The following PEAK1 variants were observed in gnomAD, a reference collection of about 807,000 sequenced individuals.
PEAK1 encodes inactive tyrosine-protein kinase PEAK1.
In PEAK1, 54 loss-of-function variants were observed where a neutral mutation model predicts 124.7. The observed-to-expected ratio is 0.43, with a 90% CI of 0.35 to 0.54. The LOEUF (loss-of-function observed/expected upper bound fraction) is 0.54. PEAK1 is among the 20% of genes least tolerant of loss of function. PEAK1 has a pLI of 0.01. For missense variants in PEAK1, 2,046 were observed against 2,134.5 expected (o/e 0.96, Z 0.82); for synonymous variants, 719 against 760.0 (o/e 0.95, Z 0.89).
intron 7 of PEAK1, among the ~76,000 whole-genome samples, chr15:77,160,194 A>C (rs1173437878): frequency 3.3e-5 from 5 of 152,090 alleles, no homozygotes; most frequent in Admixed American, 2.0e-4. Context: ...AACATGGGGG[A>C]TCTATCTCCA....
intron 9 of PEAK1, among the ~76,000 whole-genome samples, chr15:77,117,555 CTTTAT>C (rs916323815): frequency 7.2e-5 from 11 of 152,164 alleles, no homozygotes; most frequent in African/African-American, 2.2e-4. Context: ...AAAAATAGAT[CTTTAT>C]TTTGAGTCCC....
At chr15:77,305,514 A>G (rs1019109870) in intron 2 of PEAK1, among the ~76,000 whole-genome samples, 17 of 152,216 alleles carry the variant, frequency 1.1e-4, no homozygotes, top group Non-Finnish European at 2.2e-4. Flanking sequence ...ACTGAATTAC[A>G]TATGTAATGA....
intron 6 of PEAK1, among the ~76,000 whole-genome samples, chr15:77,237,362 T>C (rs1307510567): frequency 6.6e-6 from 1 of 152,134 alleles, no homozygotes; most frequent in Non-Finnish European, 1.5e-5. Context: ...GTAGGGCTCT[T>C]GGCATCATAC....
intron 6 of PEAK1, among the ~76,000 whole-genome samples, chr15:77,210,333 G>A (rs555816072): frequency 4.6e-5 from 7 of 152,222 alleles, no homozygotes; most frequent in African/African-American, 1.4e-4. Context: ...TAAAGTTGAA[G>A]TTCTTTTAGA....
At chr15:77,201,925 T>C (rs537773776) in intron 6 of PEAK1, among the ~76,000 whole-genome samples, 1 of 152,198 alleles carries the variant, frequency 6.6e-6, no homozygotes, top group Non-Finnish European at 1.5e-5. Context: ...ACCCTAACTG[T>C]GTTAGATGTC....
At chr15:77,218,470 C>G (rs534245434) in intron 6 of PEAK1, among the ~76,000 whole-genome samples, 1 of 151,582 alleles carries the variant, frequency 6.6e-6, no homozygotes, top group Non-Finnish European at 1.5e-5. Flanking sequence ...ACACTGCAAC[C>G]CTGGGATGAT....
chr15:77,166,936 T>TG (rs1281046647), intron 7 of PEAK1, among the ~76,000 whole-genome samples: 1 of 152,208 alleles, frequency 6.6e-6, no homozygotes, highest in African/African-American at 2.4e-5. Flanking sequence ...AAGAATTACC[T>TG]GGGGAGCTTG....
At chr15:77,382,071 C>T (rs1232555973) in intron 1 of PEAK1, among the ~76,000 whole-genome samples, 1 of 152,168 alleles carries the variant, frequency 6.6e-6, no homozygotes, top group Non-Finnish European at 1.5e-5. Flanking sequence ...AGACTCCATC[C>T]ATGTCTCTCT....
chr15:77,350,995 A>C, intron 2 of PEAK1: 1 of 955,534 alleles, frequency 1.0e-6, no homozygotes, highest in South Asian at 4.8e-5. Flanking sequence ...ACTATTGTGT[A>C]CTAGGCACTA....
At chr15:77,259,789 A>G (rs971819181) in intron 5 of PEAK1, among the ~76,000 whole-genome samples, 4 of 152,182 alleles carry the variant, frequency 2.6e-5, no homozygotes, top group Non-Finnish European at 5.9e-5. Flanking sequence ...GCTCTCAGCC[A>G]GAAAGAAATT....
At chr15:77,198,263 A>G (rs2058203021) in intron 6 of PEAK1, among the ~76,000 whole-genome samples, 1 of 152,194 alleles carries the variant, frequency 6.6e-6, no homozygotes, top group Admixed American at 6.5e-5. Flanking sequence ...CATCTCTCCA[A>G]TAAATTGTGT....
intron 1 of PEAK1, chr15:77,403,137 T>C (rs1567357748): frequency 2.0e-6 from 2 of 985,158 alleles, no homozygotes; most frequent in Non-Finnish European, 2.4e-6. Context: ...TAGAACCATA[T>C]TACAGGATTT....
intron 5 of PEAK1, among the ~76,000 whole-genome samples, chr15:77,262,469 A>T (rs1175247134): frequency 6.6e-6 from 1 of 151,474 alleles, no homozygotes; most frequent in African/African-American, 2.5e-5. Context: ...CTAGTCTCTG[A>T]TAAAACAGAC....
At chr15:77,239,071 T>C (rs1037330539) in intron 6 of PEAK1, among the ~76,000 whole-genome samples, 2 of 152,210 alleles carry the variant, frequency 1.3e-5, no homozygotes, top group African/African-American at 4.8e-5. Context: ...AGGAGGATTA[T>C]TTTTAGGAAT....
intron 8 of PEAK1, among the ~76,000 whole-genome samples, chr15:77,148,380 T>C (rs918265788): frequency 1.3e-5 from 2 of 152,166 alleles, no homozygotes; most frequent in South Asian, 2.1e-4. Context: ...TTGTTATAAT[T>C]GGCAGATCTT....
intron 1 of PEAK1, among the ~76,000 whole-genome samples, chr15:77,405,357 G>A (rs1190859267): frequency 6.6e-6 from 1 of 152,100 alleles, no homozygotes; most frequent in Admixed American, 6.6e-5. Context: ...CTGAGGAGAA[G>A]GGCGTTACAT....
At chr15:77,297,674 G>A (rs1450939899) in intron 2 of PEAK1, among the ~76,000 whole-genome samples, 3 of 149,508 alleles carry the variant, frequency 2.0e-5, no homozygotes, top group Non-Finnish European at 4.4e-5. Flanking sequence ...CAGGAGAATC[G>A]TGTGAATCCG....
chr15:77,310,187 C>G (rs116562741), intron 2 of PEAK1, among the ~76,000 whole-genome samples: 1 of 152,090 alleles, frequency 6.6e-6, no homozygotes, highest in South Asian at 2.1e-4. Context: ...CTTGAGCCTA[C>G]GACTTTGTGA....
intron 5 of PEAK1, among the ~76,000 whole-genome samples, chr15:77,253,507 G>C (rs1344398960): frequency 1.3e-5 from 2 of 152,104 alleles, no homozygotes; most frequent in East Asian, 3.8e-4. Flanking sequence ...GTTTCCATCT[G>C]ATATCACTGC....
Sources: gnomAD v4.1 joint callset for allele counts (sites outside exome capture counted in the v4.1 genomes callset) on GRCh38, gnomAD v4.1.1 for gene constraint, MANE v1.5 for transcripts, NCBI Gene and HGNC (gene_info 2026-07-23, HGNC 2026-07-21) for gene names.